Variants in POR observed in about 807,000 individuals in gnomAD.
POR encodes the protein NADPH--cytochrome P450 reductase.
A neutral mutation model predicts 84.0 loss-of-function variants in POR; 56 were observed. That is an observed-to-expected ratio of 0.67 (90% CI 0.54 to 0.83). The LOEUF is 0.83. Ranked by LOEUF, POR falls within the 40% of genes least tolerant of loss-of-function variation. The probability of loss-of-function intolerance (pLI) is 0.00; values close to 1 mark genes in which losing one functional copy is unlikely to be tolerated. For synonymous variants in POR, 414 were observed against 400.5 expected (o/e 1.03, Z -0.40); for missense variants, 938 against 944.3 (o/e 0.99, Z 0.09).
chr7:75,958,308 A>T (rs1438710445), intron 2 of POR, among the ~76,000 whole-genome samples: 1 of 151,858 alleles, frequency 6.6e-6, no homozygotes, highest in Non-Finnish European at 1.5e-5. Context: ...GTACAAATGG[A>T]CATCTAACAA....
intron 3 of POR, among the ~76,000 whole-genome samples, chr7:75,975,143 A>G (rs1788617488): frequency 6.8e-6 from 1 of 147,288 alleles, no homozygotes; most frequent in African/African-American, 2.5e-5. Flanking sequence ...CTAAAGAGAT[A>G]AAGATATTCC....
rs1554558554 is a variant in POR at position 75,983,839 on chromosome 7, C to G, written c.1049C>G (p.Ser350Cys). Reference sequence around the variant, plus strand: ...GGTGCCGACCTGGACGTCGTCATGTCCCTGAACAACCTGGATGGTGAGTGC... The same window carrying G: ...GGTGCCGACCTGGACGTCGTCATGTGCCTGAACAACCTGGATGGTGAGTGC... Residue 350 changes from serine (S) to cysteine (C), a missense_variant, in exon 10 of 16, where the codon TCC becomes TGC. Coordinates refer to ENST00000461988, the MANE Select transcript of POR (RefSeq NM_000941.3). 1 of 1,608,722 alleles carries G rather than the reference C, an allele frequency of 6.2e-7. No homozygotes were observed. Among genetic ancestry groups the G allele is most frequent in the Admixed American group, 1.7e-5 (1 of 59,476 alleles).
chr7:75,924,897 G>C (rs1807043699), intron 1 of POR, among the ~76,000 whole-genome samples: 1 of 152,164 alleles, frequency 6.6e-6, no homozygotes, highest in Admixed American at 6.6e-5. Context: ...GTGTGCCCAG[G>C]ATCCCAGAGT....
chr7:75,948,359 G>A (rs368445360), intron 1 of POR, among the ~76,000 whole-genome samples: 1 of 152,234 alleles, frequency 6.6e-6, no homozygotes, highest in African/African-American at 2.4e-5. Context: ...GGTCGGGGCT[G>A]GGGGGCACTC....
At chr7:75,983,911 C>A in intron 10 of POR, 55 bp downstream of exon 10, 1 of 1,398,416 alleles carries the variant, frequency 7.2e-7, no homozygotes. Flanking sequence ...GGGATTGGGC[C>A]TGTAGGAAGG....
intron 4 of POR, 121 bp downstream of exon 4, chr7:75,979,700 C>G (rs1487443111): frequency 7.2e-7 from 1 of 1,386,384 alleles, no homozygotes; most frequent in East Asian, 2.4e-5. Context: ...AAGACGTCCT[C>G]GGAAGTTGCC....
chr7:75,928,220 C>T (rs1332684885), intron 1 of POR, among the ~76,000 whole-genome samples: 4 of 152,134 alleles, frequency 2.6e-5, no homozygotes, highest in African/African-American at 9.7e-5. Context: ...CCACCCGCCT[C>T]GGCCTCTCAA....
intron 1 of POR, among the ~76,000 whole-genome samples, chr7:75,927,227 C>T (rs1035579499): frequency 5.3e-5 from 8 of 152,060 alleles, no homozygotes; most frequent in African/African-American, 1.7e-4. Context: ...AAATCAGGGC[C>T]GGGCTTGGTG....
intron 1 of POR, among the ~76,000 whole-genome samples, chr7:75,948,543 A>G (rs1232440685): frequency 1.3e-5 from 2 of 152,208 alleles, no homozygotes; most frequent in Non-Finnish European, 2.9e-5. Flanking sequence ...GGTGTTAGAG[A>G]CAGGCAGCAT....
chr7:75,974,524 CTTTTTTTTTTTTTTT>C (rs1238804117), intron 3 of POR, among the ~76,000 whole-genome samples: 1 of 107,914 alleles, frequency 9.3e-6, no homozygotes, highest in African/African-American at 3.7e-5. Flanking sequence ...TTTTTCTTTT[CTTTTTTTTTTTTTTT>C]TTTTTGAGAC....
Position 75,934,579 on chromosome 7 carries a change from G to A in POR, c.-5+19400G>A, listed in dbSNP as rs182797593. Among the ~76,000 whole-genome samples the A allele has an allele frequency of 6.3e-4, 94 of 149,924 alleles. No homozygotes were observed. The Middle Eastern group carries it at 0.01, about 16-fold the overall frequency. The stretch of plus-strand genomic sequence containing the variant: ...AAGTGCTGATAGCCAAGACTGTGGG[G>A]AAAAAAAGGCCTTGAAGGCATTTCA... On this transcript the variant is annotated intron_variant, in intron 1 of 15. Transcript: ENST00000461988.
Position 75,984,791 on chromosome 7 carries a change from A to C in POR, c.1081A>C (p.Lys361Gln), listed in dbSNP as rs1244568228. The C allele has an allele frequency of 6.2e-6, 10 of 1,612,260 alleles. No homozygotes were observed. The highest frequency in any genetic ancestry group is 8.5e-6 in the Non-Finnish European group (10 of 1,179,734). The stretch of plus-strand genomic sequence containing the variant: ...CTTCCCTGCAGAGGAGTCCAACAAG[A>C]AGCACCCATTCCCGTGCCCTACGTC... The change falls in exon 11 of 16, where the codon AAG becomes CAG. Residue 361 changes from lysine to glutamine, a missense_variant. By Grantham distance (53) the Lys-to-Gln change is moderately conservative. Transcript: ENST00000461988.
intron 1 of POR, among the ~76,000 whole-genome samples, chr7:75,938,837 C>T (rs563092257): frequency 6.6e-4 from 101 of 152,284 alleles, no homozygotes; most frequent in Non-Finnish European, 1.3e-3. Flanking sequence ...ACTTGAGTTA[C>T]CCCAGACCCC....
chr7:75,949,498 T>TTTG (rs1261115064), intron 1 of POR, among the ~76,000 whole-genome samples: 20 of 149,028 alleles, frequency 1.3e-4, no homozygotes, highest in South Asian at 6.4e-4. Flanking sequence ...CATCTCAGGG[T>TTTG]TTGTTGTTGT....
Position 75,984,680 on chromosome 7 carries a change from C to T in POR, c.1067-97C>T, listed in dbSNP as rs4732514. 0.62 allele frequency: 673,243 copies of T among 1,089,626 alleles called. 212,243 individuals carry two copies. The highest frequency in any genetic ancestry group is 0.66 in the Non-Finnish European group (472,930 of 711,282). The allele number at this position is 1,089,626 out of a possible 1,614,324, so 67.5% of individuals were successfully genotyped here. A position where few individuals can be genotyped will look rare whatever the true frequency, so the allele number is the denominator to read the frequency against. On this transcript the variant is annotated intron_variant, in intron 10 of 15. Transcript: ENST00000461988. ...CAGCACCAGCTGGGGCACCTGTTGCCGCAGAGCTGGCCCAAGGTGTCACCC... is the reference window on the plus strand; with the variant it reads ...CAGCACCAGCTGGGGCACCTGTTGCTGCAGAGCTGGCCCAAGGTGTCACCC...
intron 1 of POR, chr7:75,947,058 G>A (rs985544118): frequency 3.3e-5 from 5 of 152,338 alleles, no homozygotes; most frequent in South Asian, 2.1e-4. Context: ...CGGTTCCAAC[G>A]TGAGATCCTT....
rs138665299 is a variant in POR at position 75,936,962 on chromosome 7, G to T, written c.-4-17027G>T. Among the ~76,000 whole-genome samples the T allele has an allele frequency of 3.9e-3, 586 of 151,226 alleles. 4 individuals are homozygous for T. Among genetic ancestry groups the T allele is most frequent in the African/African-American group, 0.011 (474 of 41,230 alleles). Reference sequence around the variant, plus strand: ...CTGCCTCAGCCTCCCAAGTAGCTGGGATTACAGGCGCCCGCCACCACACCC... The same window carrying T: ...CTGCCTCAGCCTCCCAAGTAGCTGGTATTACAGGCGCCCGCCACCACACCC... On this transcript the variant is annotated intron_variant, in intron 1 of 15. Coordinates refer to ENST00000461988, the MANE Select transcript of POR (RefSeq NM_000941.3).
chr7:75,929,947 C>T (rs1441038554), intron 1 of POR, among the ~76,000 whole-genome samples: 10 of 152,270 alleles, frequency 6.6e-5, no homozygotes, highest in Admixed American at 6.5e-4. Flanking sequence ...AGTTGGGTCA[C>T]CCCTTCCTTG....
chr7:75,952,882 C>T (rs1787509630), intron 1 of POR, among the ~76,000 whole-genome samples: 1 of 151,914 alleles, frequency 6.6e-6, no homozygotes, highest in African/African-American at 2.4e-5. Flanking sequence ...AGACGATGGG[C>T]AGCCAGGCAG....
Sources: gnomAD v4.1 joint callset for allele counts (sites outside exome capture counted in the v4.1 genomes callset) on GRCh38, gnomAD v4.1.1 for gene constraint, MANE v1.5 for transcripts, NCBI Gene and HGNC (gene_info 2026-07-23, HGNC 2026-07-21) for gene names.